GLIS3: variants seen among roughly 807,000 people sequenced by gnomAD.
GLIS3 encodes the protein GLIS family zinc finger 3.
A neutral mutation model predicts 78.6 loss-of-function variants in GLIS3; 53 were observed. The observed-to-expected ratio is 0.67, with a 90% confidence interval of 0.54 to 0.85. The LOEUF is 0.85. Ranked by LOEUF, GLIS3 falls within the 40% of genes least tolerant of loss-of-function variation. The pLI is 0.00. For synonymous variants in GLIS3, 684 were observed against 509.9 expected (o/e 1.34, Z -4.60); for missense variants, 1,703 against 1,231.1 (o/e 1.38, Z -5.74).
chr9:4,093,862 G>T (rs927330707), intron 4 of GLIS3, among the ~76,000 whole-genome samples: 1 of 152,142 alleles, frequency 6.6e-6, no homozygotes, highest in Admixed American at 6.5e-5. Context: ...TGACCAGAAG[G>T]CCTTATCAAT....
intron 2 of GLIS3, among the ~76,000 whole-genome samples, chr9:4,329,997 CT>C (rs1817661917): frequency 6.6e-6 from 1 of 152,052 alleles, no homozygotes. Flanking sequence ...TCTATATTTC[CT>C]TGAACAGAGC....
chr9:4,024,188 C>T (rs1441147093), intron 4 of GLIS3, among the ~76,000 whole-genome samples: 1 of 152,104 alleles, frequency 6.6e-6, no homozygotes, highest in African/African-American at 2.4e-5. Flanking sequence ...ATCCATGCAA[C>T]CCCCCAGTCT....
intron 2 of GLIS3, among the ~76,000 whole-genome samples, chr9:4,191,997 T>C (rs1440374436): frequency 6.6e-6 from 1 of 152,140 alleles, no homozygotes; most frequent in Non-Finnish European, 1.5e-5. Flanking sequence ...CTAAAATGTG[T>C]CTATATATCT....
chr9:4,127,755 C>T (rs910825681), intron 2 of GLIS3, among the ~76,000 whole-genome samples: 3 of 150,018 alleles, frequency 2.0e-5, no homozygotes, highest in Non-Finnish European at 4.5e-5. Flanking sequence ...TTATTAAAAG[C>T]AACATCAATT....
At chr9:4,436,810 C>CAAAAA in the GLIS3 span, among the ~76,000 whole-genome samples, 10 of 53,580 alleles carry the variant, frequency 1.9e-4, no homozygotes, top group African/African-American at 5.1e-4. Flanking sequence ...GACTGCATCT[C>CAAAAA]AAAAAAAAAA....
intron 2 of GLIS3, among the ~76,000 whole-genome samples, chr9:4,159,052 C>T (rs545100137): frequency 9.7e-6 from 1 of 102,812 alleles, no homozygotes; most frequent in South Asian, 2.8e-4. Flanking sequence ...AAAAAAAAGC[C>T]AGGCTAGCTG....
rs933356563 is a variant in GLIS3 at position 4,159,947 on chromosome 9, G to C, written c.389-34006C>G. Among the ~76,000 whole-genome samples, 7 of 152,138 alleles carry C rather than the reference G, an allele frequency of 4.6e-5. No individual in the cohort carries two copies. The East Asian group carries it at 9.6e-4, about 21-fold the overall frequency. ...TTTATACAGTATTTCAACTCAGCCAGTAAGAGACAACCAAGAATGAATGTT... is the reference window on the plus strand; with the variant it reads ...TTTATACAGTATTTCAACTCAGCCACTAAGAGACAACCAAGAATGAATGTT... On this transcript the variant is annotated intron_variant, in intron 2 of 10. Coordinates refer to ENST00000381971, the MANE Select transcript of GLIS3 (RefSeq NM_001042413.2).
chr9:3,870,147 C>A (rs547804904), intron 8 of GLIS3, among the ~76,000 whole-genome samples: 89 of 152,286 alleles, frequency 5.8e-4, no homozygotes, highest in African/African-American at 2.0e-3. Flanking sequence ...CCTTTAGCAT[C>A]CAGGCAAGCA....
At chr9:4,178,384 T>A (rs951143926) in intron 2 of GLIS3, among the ~76,000 whole-genome samples, 12 of 152,214 alleles carry the variant, frequency 7.9e-5, no homozygotes, top group African/African-American at 2.9e-4. Flanking sequence ...TGATCACTTA[T>A]GAACGGCCTT....
chr9:4,335,642 G>A (rs1817744845), intron 2 of GLIS3, among the ~76,000 whole-genome samples: 1 of 152,108 alleles, frequency 6.6e-6, no homozygotes, highest in Non-Finnish European at 1.5e-5. Flanking sequence ...AAGTAGCCCG[G>A]GGTTAAACAA....
At chr9:4,152,183 T>C (rs1334652813) in intron 2 of GLIS3, 3 of 929,800 alleles carry the variant, frequency 3.2e-6, no homozygotes, top group Non-Finnish European at 3.8e-6. Flanking sequence ...CCATAAAGGA[T>C]GTGTGAGCCT....
chr9:3,896,376 A>G (rs1043528920), intron 7 of GLIS3, among the ~76,000 whole-genome samples: 2 of 152,138 alleles, frequency 1.3e-5, no homozygotes, highest in African/African-American at 4.8e-5. Context: ...ATAAGGAAAG[A>G]AGTAGGGCCC....
At chr9:4,403,670 T>C in the GLIS3 span, among the ~76,000 whole-genome samples, 1 of 152,126 alleles carries the variant, frequency 6.6e-6, no homozygotes, top group African/African-American at 2.4e-5. Context: ...TAATGGATTA[T>C]AAAATAGTAT....
intron 2 of GLIS3, among the ~76,000 whole-genome samples, chr9:4,244,901 A>G (rs1823657261): frequency 6.6e-6 from 1 of 152,170 alleles, no homozygotes; most frequent in South Asian, 2.1e-4. Context: ...ATCTAAAATG[A>G]TTCTACACTC....
At chr9:4,272,480 C>T (rs140689803) in intron 2 of GLIS3, among the ~76,000 whole-genome samples, 364 of 152,232 alleles carry the variant, frequency 2.4e-3, no homozygotes, top group African/African-American at 8.5e-3. Flanking sequence ...CACCTCCTGC[C>T]GGGTGTGCTT....
the GLIS3 span, among the ~76,000 whole-genome samples, chr9:4,435,741 A>T: frequency 2.0e-5 from 3 of 152,054 alleles, no homozygotes; most frequent in Admixed American, 6.5e-5. Context: ...TGAGGTCAGG[A>T]GATGGAGACC....
intron 4 of GLIS3, among the ~76,000 whole-genome samples, chr9:3,988,205 A>G (rs1217943146): frequency 6.6e-6 from 1 of 152,134 alleles, no homozygotes; most frequent in African/African-American, 2.4e-5. Context: ...GAAAAAAATA[A>G]AAAAATAAAA....
the GLIS3 span, among the ~76,000 whole-genome samples, chr9:4,411,748 G>C: frequency 6.6e-6 from 1 of 152,142 alleles, no homozygotes; most frequent in Non-Finnish European, 1.5e-5. Context: ...CCATGGACAA[G>C]TGGCTTACAA....
At chr9:4,180,730 T>C (rs1173094759) in intron 2 of GLIS3, among the ~76,000 whole-genome samples, 1 of 152,178 alleles carries the variant, frequency 6.6e-6, no homozygotes, top group African/African-American at 2.4e-5. Flanking sequence ...ATTTTACATA[T>C]GTAAGAGTTA....
Sources: allele counts gnomAD v4.1 joint callset (sites outside exome capture counted in the v4.1 genomes callset), GRCh38; gene constraint gnomAD v4.1.1; transcripts MANE v1.5; gene names NCBI Gene and HGNC (gene_info 2026-07-23, HGNC 2026-07-21).